ATG9A: variants seen among roughly 807,000 people sequenced by gnomAD.
The protein encoded by ATG9A is autophagy related 9A, also known as autophagy-related protein 9A.
A neutral mutation model predicts 87.1 loss-of-function variants in ATG9A; 21 were observed. The ratio of observed to expected loss-of-function variants is 0.24; its 90% confidence interval spans 0.17 to 0.35. The LOEUF is 0.35. Ranked by LOEUF, ATG9A falls within the 10% of genes least tolerant of loss-of-function variation. The pLI is 1.00. For missense variants in ATG9A, 836 were observed against 1,107.3 expected (o/e 0.76, Z 3.48); for synonymous variants, 422 against 441.3 (o/e 0.96, Z 0.55).
chr2:219,225,360 C>T, intron 6 of ATG9A, 51 bp downstream of exon 6: 6 of 1,602,884 alleles, frequency 3.7e-6, no homozygotes, highest in Non-Finnish European at 5.1e-6. Context: ...CTATTACCCA[C>T]CTGCTAGCAG....
rs888067470 is a variant in ATG9A at position 219,220,342 on chromosome 2, G to T, written c.*105C>A. On this transcript the variant is annotated 3_prime_UTR_variant, in exon 16 of 16. Transcript: ENST00000361242. ...GCACAGACACACAAACACCACACAC[G>T]TGGGGCCAGGGAACACTCAGAGGAG... The T allele has an allele frequency of 9.7e-6, 14 of 1,449,966 alleles. 1 individual carries two copies. The highest frequency in any genetic ancestry group is 2.2e-4 in the Middle Eastern group (1 of 4,512). 89.8% of individuals were successfully genotyped at this position (1,449,966 alleles called of 1,614,324 possible). A position where few individuals can be genotyped will look rare whatever the true frequency, so the allele number is the denominator to read the frequency against.
At chr2:219,226,657 T>C (rs775677453) in intron 5 of ATG9A, among the ~76,000 whole-genome samples, 1 of 152,062 alleles carries the variant, frequency 6.6e-6, no homozygotes, top group Non-Finnish European at 1.5e-5. Context: ...CACTCCTGCC[T>C]GGGCGACAGA....
Position 219,224,917 on chromosome 2 carries a change from G to C in ATG9A, c.517-63C>G. 6.3e-7 allele frequency: 1 copy of C among 1,589,392 alleles called. No individual in the cohort carries two copies. Among genetic ancestry groups the C allele is most frequent in the Non-Finnish European group, 8.6e-7 (1 of 1,164,476 alleles). ...GTGGGGTTGTTGCCTCGACCCCTTTGCCCTATATTAGAAGTGAGATTCAGG... is the reference window on the plus strand; with the variant it reads ...GTGGGGTTGTTGCCTCGACCCCTTTCCCCTATATTAGAAGTGAGATTCAGG... On this transcript the variant is annotated intron_variant, in intron 7 of 15. Transcript: ENST00000361242. This position sits in a 1 kb window ranked among gnomAD's most constrained non-coding sequence, Gnocchi z 7.7.
chr2:219,225,106 G>A lies in ATG9A; in HGVS notation c.481C>T (p.His161Tyr). 1 of 1,614,118 alleles carries A rather than the reference G, an allele frequency of 6.2e-7. No homozygotes were observed. The highest frequency in any genetic ancestry group is 8.5e-7 in the Non-Finnish European group (1 of 1,180,016). Residue 161 changes from histidine to tyrosine, a missense_variant, in exon 7 of 16, where the codon CAC becomes TAC. This residue lies in a region of ATG9A where 512 missense variants were observed against 759.6 expected (regional missense o/e 0.67). Coordinates refer to ENST00000361242, the MANE Select transcript of ATG9A (RefSeq NM_001077198.3). ...IYNICCYWEI[H>Y]SFYLHALRIP... ...CGCAGAGCGTGCAGGTAGAAGGAGTGGATCTCCCAGTAGCAGCAAATGTTA... is the reference window on the plus strand; with the variant it reads ...CGCAGAGCGTGCAGGTAGAAGGAGTAGATCTCCCAGTAGCAGCAAATGTTA...
rs1191273462 is a variant in ATG9A at position 219,229,472 on chromosome 2, A to T, written c.-82+63T>A. 3 of 152,388 alleles carry T rather than the reference A, an allele frequency of 2.0e-5. No individual in the cohort carries two copies. Among genetic ancestry groups the T allele is most frequent in the Admixed American group, 1.3e-4 (2 of 15,286 alleles). 9.4% of individuals were successfully genotyped at this position (152,388 alleles called of 1,614,324 possible). ...GCCGCGAGCTCACTTAGGGCTCCGCAGGCACCCCTGGGCAAGGCCAGACAC... is the reference window on the plus strand; with the variant it reads ...GCCGCGAGCTCACTTAGGGCTCCGCTGGCACCCCTGGGCAAGGCCAGACAC... On this transcript the variant is annotated intron_variant, in intron 1 of 15. Transcript: ENST00000361242. The surrounding 1 kb of genome is among the most constrained non-coding windows in gnomAD (Gnocchi z 4.2).
chr2:219,223,119 G>A lies in ATG9A; in HGVS notation c.1600-226C>T, dbSNP rs549203867. ...TTTTTTTTTTTTGAGATGGAGTCTC[G>A]CTCTGTCGCCCAGGCTGGATTGCAG... On this transcript the variant is annotated intron_variant, in intron 10 of 15. Coordinates refer to ENST00000361242, the MANE Select transcript of ATG9A (RefSeq NM_001077198.3). The surrounding 1 kb of genome is among the most constrained non-coding windows in gnomAD (Gnocchi z 4.7). Among the ~76,000 whole-genome samples the A allele has an allele frequency of 2.8e-5, 4 of 141,654 alleles. No homozygotes were observed. Among genetic ancestry groups the A allele is most frequent in the African/African-American group, 1.1e-4 (4 of 37,140 alleles). The allele number at this position is 141,654 out of a possible 152,430, so 92.9% of individuals were successfully genotyped here.
chr2:219,221,198 G>A lies in ATG9A; in HGVS notation c.2250C>T (p.Ala750=). ...ESAPDEGGEG[A]RAPQSIPRSA... ...AGCGAGGGATAGACTGGGGGGCCCG[G>A]GCGCCCTCTCCCCCTTCATCAGGGG... Residue 750 remains alanine, a synonymous_variant, in exon 14 of 16, where the codon GCC becomes GCT. Coordinates refer to ENST00000361242, the MANE Select transcript of ATG9A (RefSeq NM_001077198.3). 1.3e-6 allele frequency: 2 copies of A among 1,593,554 alleles called. No homozygotes were observed. Among genetic ancestry groups the A allele is most frequent in the Non-Finnish European group, 8.5e-7 (1 of 1,170,306 alleles).
rs759075460 is a variant in ATG9A at position 219,221,303 on chromosome 2, C to A, written c.2146-1G>T. On this transcript the variant is annotated splice_acceptor_variant, in intron 13 of 15. Transcript: ENST00000361242. LOFTEE classifies it high-confidence loss of function. Reference sequence around the variant, plus strand: ...CAGCCTGGGCCTGCTGCTTGTGGAGCTGGAGAAATGGGGGGCTCGTTAGTG... The same window carrying A: ...CAGCCTGGGCCTGCTGCTTGTGGAGATGGAGAAATGGGGGGCTCGTTAGTG... 2.0e-5 allele frequency: 31 copies of A among 1,556,098 alleles called. No homozygotes were observed. The highest frequency in any genetic ancestry group is 2.5e-5 in the Non-Finnish European group (29 of 1,152,820).
chr2:219,227,865 G>C (rs1226736790), intron 3 of ATG9A, 52 bp from the exon 4 acceptor site: 2 of 1,612,374 alleles, frequency 1.2e-6, no homozygotes, highest in Non-Finnish European at 1.7e-6. Flanking sequence ...CAAGCCCCTT[G>C]CTCTCTCCAT....
intron 5 of ATG9A, 35 bp from the exon 6 acceptor site, chr2:219,225,607 G>A (rs745593211): frequency 5.6e-6 from 9 of 1,605,030 alleles, no homozygotes; most frequent in Non-Finnish European, 7.7e-6. Context: ...CAGTCTGAGA[G>A]CCAGAGAGGC....
intron 4 of ATG9A, 130 bp downstream of exon 4, chr2:219,227,630 CCAGCCTCTTT>C: frequency 1.0e-6 from 1 of 983,352 alleles, no homozygotes; most frequent in Non-Finnish European, 1.6e-6. Context: ...GATGATTTCA[CCAGCCTCTTT>C]CAGCCTCAGG....
chr2:219,226,515 T>C (rs1950863954), intron 5 of ATG9A, among the ~76,000 whole-genome samples: 2 of 128,902 alleles, frequency 1.6e-5, no homozygotes, highest in Admixed American at 8.7e-5. Flanking sequence ...TGAAATCCCA[T>C]CTCTACTAAA....
At chr2:219,226,822 C>G in intron 5 of ATG9A, 47 bp downstream of exon 5, 2 of 1,527,682 alleles carry the variant, frequency 1.3e-6, no homozygotes, top group Non-Finnish European at 1.8e-6. Flanking sequence ...AGAGGAAAGA[C>G]TAAGATGTAT....
chr2:219,225,609 CA>C, intron 5 of ATG9A, 37 bp from the exon 6 acceptor site: 1 of 1,603,366 alleles, frequency 6.2e-7, no homozygotes, highest in Non-Finnish European at 8.5e-7. Context: ...GTCTGAGAGC[CA>C]GAGAGGCTCC....
At chr2:219,225,294 T>C in intron 6 of ATG9A, 82 bp from the exon 7 acceptor site, 2 of 1,604,342 alleles carry the variant, frequency 1.2e-6, no homozygotes, top group Non-Finnish European at 1.7e-6. Context: ...GAAGTATTTT[T>C]GCTAGACCAA....
rs1054294979 is a variant in ATG9A at position 219,222,775 on chromosome 2, C to T, written c.1718G>A (p.Ser573Asn). Residue 573 changes from serine to asparagine, a missense_variant, in exon 11 of 16, where the codon AGC becomes AAC. Physicochemically the swap from Ser to Asn is conservative, Grantham distance 46. Coordinates refer to ENST00000361242, the MANE Select transcript of ATG9A (RefSeq NM_001077198.3). This position sits in a 1 kb window ranked among gnomAD's most constrained non-coding sequence, Gnocchi z 4.3. ...TNPGWQPPRESTAFLGFLKEQ... is the reference protein window; with the variant it reads ...TNPGWQPPRENTAFLGFLKEQ... ...CTTGAGGAAGCCTAGGAAGGCTGTG[C>T]TCTCACGTGGTGGCTGCCAGCCAGG... The T allele has an allele frequency of 6.2e-7, 1 of 1,614,240 alleles. No homozygotes were observed. The highest frequency in any genetic ancestry group is 8.5e-7 in the Non-Finnish European group (1 of 1,180,034).
At chr2:219,220,701 G>A in intron 15 of ATG9A, 46 bp downstream of exon 15, 1 of 1,602,236 alleles carries the variant, frequency 6.2e-7, no homozygotes, top group Non-Finnish European at 8.5e-7. Context: ...CCTCACCCTG[G>A]AAGTTACTAT....
chr2:219,223,878 C>T lies in ATG9A; in HGVS notation c.1410G>A (p.Gln470=). 6.2e-7 allele frequency: 1 copy of T among 1,614,158 alleles called. No individual in the cohort carries two copies. Among genetic ancestry groups the T allele is most frequent in the Non-Finnish European group, 8.5e-7 (1 of 1,180,040 alleles). Residue 470 remains glutamine (Q), a synonymous_variant, in exon 9 of 16, where the codon CAG becomes CAA. Coordinates refer to ENST00000361242, the MANE Select transcript of ATG9A (RefSeq NM_001077198.3). The surrounding 1 kb of genome is among the most constrained non-coding windows in gnomAD (Gnocchi z 4.7). ...CTCCAACTCCACTCACTGCCTTGTACTGGAAGAGCTGGGCAAACTCGTCCC... is the reference window on the plus strand; with the variant it reads ...CTCCAACTCCACTCACTGCCTTGTATTGGAAGAGCTGGGCAAACTCGTCCC... ...QTRDEFAQLF[Q]YKAVFILEEL...
intron 5 of ATG9A, 90 bp downstream of exon 5, chr2:219,226,779 T>C: frequency 8.3e-7 from 1 of 1,208,934 alleles, no homozygotes; most frequent in Non-Finnish European, 1.2e-6. Context: ...GACTGAGTTG[T>C]ACTGGCAGGT....
Sources: gnomAD v4.1 joint callset for allele counts (sites outside exome capture counted in the v4.1 genomes callset) on GRCh38, gnomAD v4.1.1 for gene constraint, gnomAD v4.1.1 regional missense constraint, Gnocchi (gnomAD v3.1) non-coding constraint, MANE v1.5 for transcripts, NCBI Gene and HGNC (gene_info 2026-07-23, HGNC 2026-07-21) for gene names.